The following PTPRQ variants were observed in gnomAD, a reference collection of about 807,000 sequenced individuals.
PTPRQ encodes the protein phosphatidylinositol phosphatase PTPRQ.
Under a neutral mutation model 246.0 loss-of-function variants are expected in PTPRQ, and 199 were observed. The observed-to-expected ratio is 0.81, with a 90% CI of 0.72 to 0.91. The LOEUF (loss-of-function observed/expected upper bound fraction) is 0.91, where lower values mean the gene tolerates loss of function less well. Ranked by LOEUF, PTPRQ falls within the 40% of genes least tolerant of loss-of-function variation. The probability of loss-of-function intolerance (pLI) is 0.00; values close to 1 mark genes in which losing one functional copy is unlikely to be tolerated. For missense variants in PTPRQ, 2,624 were observed against 2,528.4 expected (o/e 1.04, Z -0.81); for synonymous variants, 869 against 853.2 (o/e 1.02, Z -0.32).
At chr12:80,525,843 T>C (rs1166922407) in intron 17 of PTPRQ, 1 of 152,164 alleles carries the variant, frequency 6.6e-6, no homozygotes, top group Admixed American at 6.6e-5. Flanking sequence ...TAATACGTAC[T>C]TGACCTATTG....
chr12:80,563,962 C>CT lies in PTPRQ; in HGVS notation c.4285+14238dup, dbSNP rs896589017. On this transcript the variant is annotated intron_variant, in intron 25 of 44. Transcript: ENST00000644991. ...AATGAGATCATAGTTTCTTTCTGTGCTTTTTTTTTTGAGTAGACTAGCAGT... is the reference window on the plus strand; with the variant it reads ...AATGAGATCATAGTTTCTTTCTGTGCTTTTTTTTTTTGAGTAGACTAGCAGT... 2.2e-3 allele frequency among the ~76,000 whole-genome samples: 329 copies of CT among 147,080 alleles called. 4 individuals carry two copies. Among genetic ancestry groups the CT allele is most frequent in the African/African-American group, 6.9e-3 (277 of 40,222 alleles).
intron 35 of PTPRQ, among the ~76,000 whole-genome samples, chr12:80,645,026 A>G (rs1900019265): frequency 6.6e-6 from 1 of 152,138 alleles, no homozygotes; most frequent in African/African-American, 2.4e-5. Context: ...AAAATTACAT[A>G]AAAACTGGAC....
intron 3 of PTPRQ, among the ~76,000 whole-genome samples, chr12:80,456,012 AG>A (rs1188134904): frequency 1.3e-5 from 2 of 152,180 alleles, no homozygotes; most frequent in African/African-American, 4.8e-5. Flanking sequence ...CTTCCAGTTA[AG>A]GGATAAGTAT....
intron 25 of PTPRQ, among the ~76,000 whole-genome samples, chr12:80,566,489 T>A (rs1421856281): frequency 6.6e-6 from 1 of 151,854 alleles, no homozygotes; most frequent in Non-Finnish European, 1.5e-5. Flanking sequence ...AAAAAAAAAA[T>A]TAATAGCCAA....
intron 25 of PTPRQ, among the ~76,000 whole-genome samples, chr12:80,573,176 T>G (rs1041057070): frequency 2.0e-4 from 30 of 152,178 alleles, no homozygotes; most frequent in African/African-American, 6.8e-4. Flanking sequence ...ATAGAACTAC[T>G]CATACTTTCT....
intron 25 of PTPRQ, among the ~76,000 whole-genome samples, chr12:80,558,134 T>TTTTC (rs962163748): frequency 1.6e-5 from 2 of 123,446 alleles, no homozygotes; most frequent in Non-Finnish European, 3.1e-5. Context: ...TTTTCTTTTC[T>TTTTC]TTTCTTTTCT....
chr12:80,605,386 C>T (rs925145926), intron 27 of PTPRQ, among the ~76,000 whole-genome samples: 1 of 151,142 alleles, frequency 6.6e-6, no homozygotes, highest in African/African-American at 2.4e-5. Context: ...GCATAAAGAA[C>T]TTGGAACATT....
intron 7 of PTPRQ, among the ~76,000 whole-genome samples, chr12:80,471,280 G>C (rs1435568534): frequency 6.6e-6 from 1 of 151,978 alleles, no homozygotes; most frequent in Non-Finnish European, 1.5e-5. Flanking sequence ...ATTTGGGGTG[G>C]CTGCAGGGGA....
chr12:80,492,887 A>C (rs543361797), intron 9 of PTPRQ, among the ~76,000 whole-genome samples: 1 of 152,136 alleles, frequency 6.6e-6, no homozygotes, highest in East Asian at 1.9e-4. Context: ...TAATTAGAAA[A>C]GCAAAACACA....
chr12:80,513,696 G>C (rs1448445288), intron 17 of PTPRQ, among the ~76,000 whole-genome samples: 8 of 152,070 alleles, frequency 5.3e-5, no homozygotes, highest in Admixed American at 6.5e-5. Flanking sequence ...TATCAATATC[G>C]TGAGAAACGT....
At chr12:80,448,433 T>A (rs535049499) in intron 3 of PTPRQ, among the ~76,000 whole-genome samples, 1 of 152,256 alleles carries the variant, frequency 6.6e-6, no homozygotes, top group East Asian at 1.9e-4. Flanking sequence ...TGCAGGTTAG[T>A]TACATATGTA....
rs138625553 is a variant in PTPRQ at position 80,653,608 on chromosome 12, A to T, written c.6115+774A>T. Among the ~76,000 whole-genome samples, 1,401 of 152,220 alleles carry T rather than the reference A, an allele frequency of 9.2e-3. 25 individuals are homozygous for T. The highest frequency in any genetic ancestry group is 0.032 in the African/African-American group (1,325 of 41,538). ...TATACATCTGTGTGTGTATATATAT[A>T]TTTTTGTCTATGCTTTTTCAAATGT... is the stretch of plus-strand genomic sequence containing the variant. On this transcript the variant is annotated intron_variant, in intron 38 of 44. Transcript: ENST00000644991.
chr12:80,539,101 A>G (rs1896072838), intron 19 of PTPRQ, among the ~76,000 whole-genome samples: 1 of 152,104 alleles, frequency 6.6e-6, no homozygotes, highest in Non-Finnish European at 1.5e-5. Flanking sequence ...TTAAAATTTG[A>G]TAGGAAAGAA....
chr12:80,641,621 T>A (rs1899858288), intron 35 of PTPRQ, among the ~76,000 whole-genome samples: 1 of 152,218 alleles, frequency 6.6e-6, no homozygotes, highest in Non-Finnish European at 1.5e-5. Context: ...ATACATTTCC[T>A]TCAGAGGACC....
intron 33 of PTPRQ, among the ~76,000 whole-genome samples, chr12:80,626,672 A>G (rs1223961754): frequency 6.6e-6 from 1 of 152,178 alleles, no homozygotes; most frequent in Non-Finnish European, 1.5e-5. Flanking sequence ...GCGTGACCTC[A>G]GTCAGTGCTG....
intron 33 of PTPRQ, among the ~76,000 whole-genome samples, chr12:80,624,173 A>G (rs1009763963): frequency 6.6e-6 from 1 of 152,176 alleles, no homozygotes; most frequent in African/African-American, 2.4e-5. Context: ...AAAGATGTGT[A>G]ATGAAGGACA....
At chr12:80,545,883 T>C (rs1023422367) in intron 23 of PTPRQ, among the ~76,000 whole-genome samples, 2 of 151,254 alleles carry the variant, frequency 1.3e-5, no homozygotes, top group African/African-American at 4.8e-5. Flanking sequence ...AAAATGAATT[T>C]AGATGAGTTC....
At chr12:80,581,328 A>G (rs1277173731) in intron 25 of PTPRQ, among the ~76,000 whole-genome samples, 1 of 152,150 alleles carries the variant, frequency 6.6e-6, no homozygotes, top group Non-Finnish European at 1.5e-5. Context: ...TTTAATGAAA[A>G]CAAAAGTCAA....
intron 26 of PTPRQ, among the ~76,000 whole-genome samples, chr12:80,604,645 A>G (rs1898251204): frequency 6.6e-6 from 1 of 151,496 alleles, no homozygotes; most frequent in Non-Finnish European, 1.5e-5. Flanking sequence ...ACCAGTTTTA[A>G]TTTTCAGCTG....
Sources: allele counts gnomAD v4.1 joint callset (sites outside exome capture counted in the v4.1 genomes callset), GRCh38; gene constraint gnomAD v4.1.1; transcripts MANE v1.5; gene names NCBI Gene and HGNC (gene_info 2026-07-23, HGNC 2026-07-21).